The following ZDHHC13 variants were observed in gnomAD, a reference collection of about 807,000 sequenced individuals.
ZDHHC13 encodes the protein zDHHC palmitoyltransferase 13, also known as palmitoyltransferase ZDHHC13.
In ZDHHC13, 85 loss-of-function variants were observed where a neutral mutation model predicts 86.0. That is an observed-to-expected ratio of 0.99 (90% CI 0.83 to 1.18). ZDHHC13 has a LOEUF of 1.18. ZDHHC13 is among the 50% of genes most tolerant of loss of function. The pLI, the probability that ZDHHC13 is intolerant of heterozygous loss-of-function variation, is 0.00. For synonymous variants in ZDHHC13, 263 were observed against 246.4 expected (o/e 1.07, Z -0.63); for missense variants, 711 against 730.2 (o/e 0.97, Z 0.30).
At chr11:19,172,166 C>G (rs1376348345) in intron 15 of ZDHHC13, among the ~76,000 whole-genome samples, 1 of 152,104 alleles carries the variant, frequency 6.6e-6, no homozygotes, top group Non-Finnish European at 1.5e-5. Context: ...TCCGCCTTCC[C>G]GTGTCAAGTG....
At position 19,172,752 on chromosome 11, in the gene ZDHHC13, G is replaced by C. The variant is rs1458733542; in HGVS notation, c.1662G>C (p.Glu554Asp). Reference protein sequence around the residue: ...QIAFLGLTSHERISLQKQSKH... With the variant: ...QIAFLGLTSHDRISLQKQSKH... Reference sequence around the variant, plus strand: ...CCTTTCTGGGCCTGACCTCCCATGAGAGAATCAGCCTGCAGAAGCAGAGCA... The same window carrying C: ...CCTTTCTGGGCCTGACCTCCCATGACAGAATCAGCCTGCAGAAGCAGAGCA... The change falls in exon 16 of 17, where the codon GAG becomes GAC. Residue 554 changes from glutamate to aspartate, a missense_variant. Transcript: ENST00000446113. 2 of 1,605,280 alleles carry C rather than the reference G, an allele frequency of 1.2e-6. No homozygotes were observed. The highest frequency in any genetic ancestry group is 1.7e-6 in the Non-Finnish European group (2 of 1,175,836).
At chr11:19,128,679 A>G (rs898884393) in intron 1 of ZDHHC13, among the ~76,000 whole-genome samples, 2 of 152,170 alleles carry the variant, frequency 1.3e-5, no homozygotes, top group Non-Finnish European at 2.9e-5. Flanking sequence ...TTTATTCTCA[A>G]TTGTGTATTC....
At chr11:19,127,966 GT>G (rs1848913261) in intron 1 of ZDHHC13, among the ~76,000 whole-genome samples, 1 of 152,170 alleles carries the variant, frequency 6.6e-6, no homozygotes, top group African/African-American at 2.4e-5. Context: ...TTTTAAAATA[GT>G]TTTTTCCTAG....
At chr11:19,136,883 A>C (rs989265557) in intron 1 of ZDHHC13, among the ~76,000 whole-genome samples, 1 of 151,992 alleles carries the variant, frequency 6.6e-6, no homozygotes, top group Non-Finnish European at 1.5e-5. Flanking sequence ...AGATTTTGTC[A>C]CCACCAGGCC....
intron 5 of ZDHHC13, among the ~76,000 whole-genome samples, chr11:19,150,002 G>C (rs898723577): frequency 1.3e-5 from 2 of 152,096 alleles, no homozygotes; most frequent in East Asian, 3.8e-4. Flanking sequence ...TAACCTCCTA[G>C]GTTTCATTGT....
intron 2 of ZDHHC13, among the ~76,000 whole-genome samples, chr11:19,143,942 A>T (rs1217095527): frequency 6.6e-6 from 1 of 152,226 alleles, no homozygotes; most frequent in African/African-American, 2.4e-5. Flanking sequence ...AATCATGCCA[A>T]TCTAATCAGC....
At chr11:19,137,350 T>C (rs1287959493) in intron 1 of ZDHHC13, among the ~76,000 whole-genome samples, 1 of 152,062 alleles carries the variant, frequency 6.6e-6, no homozygotes, top group Non-Finnish European at 1.5e-5. Flanking sequence ...AGGGATCAAT[T>C]CAACAAGAAG....
intron 4 of ZDHHC13, among the ~76,000 whole-genome samples, chr11:19,148,428 G>A (rs757244840): frequency 1.3e-5 from 2 of 151,690 alleles, no homozygotes; most frequent in Non-Finnish European, 2.9e-5. Context: ...CCATAGTCAA[G>A]CATAAGAAAA....
chr11:19,171,457 AG>A (rs1441121581), intron 15 of ZDHHC13, among the ~76,000 whole-genome samples: 3 of 152,206 alleles, frequency 2.0e-5, no homozygotes, highest in Non-Finnish European at 4.4e-5. Context: ...CAAGAAGAGA[AG>A]GAGGAAGGGA....
intron 1 of ZDHHC13, among the ~76,000 whole-genome samples, chr11:19,142,582 C>T (rs1023335086): frequency 6.6e-6 from 1 of 152,164 alleles, no homozygotes; most frequent in African/African-American, 2.4e-5. Flanking sequence ...TAGCAATGGT[C>T]CTCTGCCCAC....
intron 14 of ZDHHC13, chr11:19,169,760 G>GTAAA: frequency 1.0e-6 from 1 of 985,476 alleles, no homozygotes. Flanking sequence ...AAAGGCCATA[G>GTAAA]TAAAGTTCTT....
chr11:19,123,792 C>CA (rs1333170007), intron 1 of ZDHHC13, among the ~76,000 whole-genome samples: 2 of 152,020 alleles, frequency 1.3e-5, no homozygotes, highest in Non-Finnish European at 2.9e-5. Flanking sequence ...ACAACAACAA[C>CA]AACAAACAAA....
chr11:19,167,377 T>C (rs1377017892), intron 14 of ZDHHC13: 1 of 152,200 alleles, frequency 6.6e-6, no homozygotes, highest in Non-Finnish European at 1.5e-5. Context: ...CCTCTCTTTC[T>C]CTCTTCTGTG....
intron 4 of ZDHHC13, 23 bp from the exon 5 acceptor site, chr11:19,149,164 G>A: frequency 6.6e-7 from 1 of 1,510,670 alleles, no homozygotes; most frequent in Non-Finnish European, 9.0e-7. Context: ...GCTACAGAAT[G>A]GCTTTTTGTC....
rs770786763 is a variant in ZDHHC13, at chr11:19,152,620, A to C, written c.809A>C (p.Lys270Thr). Residue 270 changes from lysine to threonine, a missense_variant, in exon 8 of 17, where the codon AAA becomes ACA. Transcript: ENST00000446113. ...NKNQLIIHML[K>T]TEAKMRANQK... ...AATCAGCTCATTATTCATATGCTAA[A>C]AACAGAAGCCAAAATGAGAGCCAAC... is the stretch of plus-strand genomic sequence containing the variant. 6.2e-7 allele frequency: 1 copy of C among 1,613,390 alleles called. No individual in the cohort carries two copies. The highest frequency in any genetic ancestry group is 8.5e-7 in the Non-Finnish European group (1 of 1,179,432).
chr11:19,172,647 A>G, intron 15 of ZDHHC13, 76 bp from the exon 16 acceptor site: 2 of 1,201,772 alleles, frequency 1.7e-6, no homozygotes, highest in Admixed American at 5.2e-5. Flanking sequence ...AATTGCACTG[A>G]TACTGATCTT....
chr11:19,122,048 G>T (rs775533294), intron 1 of ZDHHC13, among the ~76,000 whole-genome samples: 8 of 152,064 alleles, frequency 5.3e-5, no homozygotes, highest in Non-Finnish European at 1.0e-4. Flanking sequence ...TTGTGTCCTT[G>T]CCCTCCTTTT....
intron 10 of ZDHHC13, among the ~76,000 whole-genome samples, chr11:19,159,374 C>T (rs1849847717): frequency 6.6e-6 from 1 of 151,430 alleles, no homozygotes. Context: ...TCAGCAGTTA[C>T]AGTTAATTAA....
intron 1 of ZDHHC13, among the ~76,000 whole-genome samples, chr11:19,137,824 C>A (rs1041606841): frequency 2.6e-5 from 4 of 152,042 alleles, no homozygotes; most frequent in South Asian, 4.2e-4. Flanking sequence ...GGGTACATAA[C>A]AAAATGAAGG....
Sources: gnomAD v4.1 joint callset for allele counts (sites outside exome capture counted in the v4.1 genomes callset) on GRCh38, gnomAD v4.1.1 for gene constraint, MANE v1.5 for transcripts, NCBI Gene and HGNC (gene_info 2026-07-23, HGNC 2026-07-21) for gene names.